Variants in NRG3 observed in about 807,000 individuals in gnomAD.
NRG3 encodes the protein neuregulin 3, also known as pro-neuregulin-3, membrane-bound isoform.
In NRG3, 31 loss-of-function variants were observed where a neutral mutation model predicts 66.9. That is an observed-to-expected ratio of 0.46 (90% confidence interval 0.35 to 0.63). NRG3 has a LOEUF of 0.63. Among genes scored for constraint, NRG3 ranks in the 20% least tolerant of loss-of-function variants. The pLI is 0.00. For synonymous variants in NRG3, 393 were observed against 359.4 expected (o/e 1.09, Z -1.06); for missense variants, 910 against 878.9 (o/e 1.04, Z -0.45).
Position 82,111,955 on chromosome 10 carries a change from G to A in NRG3, c.823+235792G>A, listed in dbSNP as rs370367625. 1.6e-4 allele frequency among the ~76,000 whole-genome samples: 25 copies of A among 152,252 alleles called. No homozygotes were observed. In the East Asian group the frequency reaches 4.7e-3, roughly 28 times the overall value. On this transcript the variant is annotated intron_variant, in intron 1 of 8. Coordinates refer to ENST00000372141, the MANE Select transcript of NRG3 (RefSeq NM_001010848.4). ...ATGTGAATTATGCAAATATAAGAAT[G>A]TCTTAGGCTGGGCATGGTGGCTCAT... is the stretch of plus-strand genomic sequence containing the variant.
intron 2 of NRG3, among the ~76,000 whole-genome samples, chr10:82,672,675 A>C (rs1440708917): frequency 6.6e-6 from 1 of 152,228 alleles, no homozygotes; most frequent in African/African-American, 2.4e-5. Context: ...AATCAAAACA[A>C]AACAATTCCA....
At chr10:82,036,949 G>C (rs1743862621) in intron 1 of NRG3, among the ~76,000 whole-genome samples, 1 of 152,120 alleles carries the variant, frequency 6.6e-6, no homozygotes, top group Non-Finnish European at 1.5e-5. Context: ...CCATAAAGGT[G>C]ATCAGACTAC....
intron 1 of NRG3, among the ~76,000 whole-genome samples, chr10:81,959,624 G>A (rs1438217458): frequency 6.6e-6 from 1 of 151,652 alleles, no homozygotes; most frequent in Admixed American, 6.6e-5. Context: ...GGTCTTTATT[G>A]TTAAAATATA....
At chr10:81,926,919 TG>T (rs1846857059) in intron 1 of NRG3, among the ~76,000 whole-genome samples, 1 of 152,184 alleles carries the variant, frequency 6.6e-6, no homozygotes, top group Non-Finnish European at 1.5e-5. Flanking sequence ...GAAGAGGGGT[TG>T]TGACAACTCA....
chr10:82,374,240 A>G (rs1338484535), intron 2 of NRG3, among the ~76,000 whole-genome samples: 1 of 152,204 alleles, frequency 6.6e-6, no homozygotes, highest in Non-Finnish European at 1.5e-5. Context: ...CCTTGTGTTC[A>G]TGTTAAATAT....
At chr10:82,246,481 A>G (rs936200239) in intron 1 of NRG3, among the ~76,000 whole-genome samples, 5 of 152,194 alleles carry the variant, frequency 3.3e-5, no homozygotes, top group East Asian at 1.9e-4. Flanking sequence ...AAAAATCTAA[A>G]CAAACTTTTT....
chr10:82,633,523 A>G (rs1388745511), intron 2 of NRG3, among the ~76,000 whole-genome samples: 1 of 152,136 alleles, frequency 6.6e-6, no homozygotes, highest in Non-Finnish European at 1.5e-5. Flanking sequence ...CATGATCTGG[A>G]GGGTGAGAAG....
chr10:82,816,943 A>G (rs924077785), intron 3 of NRG3, among the ~76,000 whole-genome samples: 5 of 152,242 alleles, frequency 3.3e-5, no homozygotes, highest in East Asian at 1.9e-4. Context: ...ATGGAGGAAT[A>G]TGTGGGTATT....
chr10:82,643,043 A>G (rs976630284), intron 2 of NRG3, among the ~76,000 whole-genome samples: 1 of 152,076 alleles, frequency 6.6e-6, no homozygotes, highest in Non-Finnish European at 1.5e-5. Context: ...TCTTCTGCCT[A>G]CCTTTACATA....
intron 1 of NRG3, among the ~76,000 whole-genome samples, chr10:82,328,394 A>G (rs1044712111): frequency 1.3e-5 from 2 of 152,244 alleles, no homozygotes; most frequent in African/African-American, 4.8e-5. Context: ...AACACATGAT[A>G]ATAGTACATA....
chr10:82,448,129 G>A (rs528311954), intron 2 of NRG3, among the ~76,000 whole-genome samples: 1 of 152,296 alleles, frequency 6.6e-6, no homozygotes, highest in Admixed American at 6.5e-5. Flanking sequence ...ATAATTTCCA[G>A]TCAGTGTCTG....
intron 4 of NRG3, among the ~76,000 whole-genome samples, chr10:82,899,997 T>C (rs1198755262): frequency 6.6e-6 from 1 of 152,236 alleles, no homozygotes; most frequent in Non-Finnish European, 1.5e-5. Flanking sequence ...TTCTGCAGGC[T>C]GAACAGGAAA....
At chr10:82,313,198 A>C (rs561313802) in intron 1 of NRG3, among the ~76,000 whole-genome samples, 1 of 151,876 alleles carries the variant, frequency 6.6e-6, no homozygotes, top group Non-Finnish European at 1.5e-5. Flanking sequence ...TTAGCTGGGC[A>C]TGGTGGTGTG....
At chr10:82,148,611 C>T (rs1184185709) in intron 1 of NRG3, among the ~76,000 whole-genome samples, 1 of 151,946 alleles carries the variant, frequency 6.6e-6, no homozygotes, top group Non-Finnish European at 1.5e-5. Flanking sequence ...AATACAGATT[C>T]CTGGGGCTGG....
intron 3 of NRG3, among the ~76,000 whole-genome samples, chr10:82,767,135 G>T (rs1591459281): frequency 1.3e-5 from 2 of 151,450 alleles, no homozygotes; most frequent in African/African-American, 2.4e-5. Flanking sequence ...ATAGCTTCTT[G>T]GATTGTTGGT....
At chr10:82,712,055 T>G (rs1325919261) in intron 2 of NRG3, among the ~76,000 whole-genome samples, 4 of 152,218 alleles carry the variant, frequency 2.6e-5, no homozygotes, top group African/African-American at 9.6e-5. Flanking sequence ...TTCATGAAAT[T>G]TTATAATTCT....
intron 2 of NRG3, among the ~76,000 whole-genome samples, chr10:82,375,835 G>A (rs546984919): frequency 2.0e-5 from 3 of 152,178 alleles, no homozygotes; most frequent in South Asian, 2.1e-4. Context: ...GTGATCCGTC[G>A]CAATTTCATC....
chr10:82,810,759 A>G (rs1450469134), intron 3 of NRG3, among the ~76,000 whole-genome samples: 1 of 148,886 alleles, frequency 6.7e-6, no homozygotes, highest in East Asian at 2.0e-4. Context: ...AAAAAAAAAG[A>G]AGAAGCGACT....
In NRG3 at chr10:82,230,870, A is replaced by G. The variant is rs942117923; in HGVS notation, c.824-127869A>G. Among the ~76,000 whole-genome samples the G allele has an allele frequency of 3.9e-5, 6 of 152,184 alleles. No individual in the cohort carries two copies. The South Asian group carries it at 1.0e-3, about 26-fold the overall frequency. On this transcript the variant is annotated intron_variant, in intron 1 of 8. Transcript: ENST00000372141. ...GCTGAAGGCAAAAAAATGCCACTCA[A>G]TGGTGATTTATTAAATAACATAGCA... is the stretch of plus-strand genomic sequence containing the variant.
Sources: allele counts gnomAD v4.1 joint callset (sites outside exome capture counted in the v4.1 genomes callset), GRCh38; gene constraint gnomAD v4.1.1; transcripts MANE v1.5; gene names NCBI Gene and HGNC (gene_info 2026-07-23, HGNC 2026-07-21).